Variants in APTX observed in about 807,000 individuals in gnomAD.
APTX encodes aprataxin, also known as forkhead-associated domain histidine triad-like protein.
APTX carries 33 observed loss-of-function variants against 42.3 expected under a neutral mutation model. The observed-to-expected ratio is 0.78, with a 90% CI of 0.59 to 1.04. The LOEUF (loss-of-function observed/expected upper bound fraction) is 1.04, where lower values mean the gene tolerates loss of function less well. Ranked by LOEUF, APTX falls within the 50% of genes least tolerant of loss-of-function variation. The pLI is 0.00. For synonymous variants in APTX, 130 were observed against 146.7 expected, an observed-to-expected ratio of 0.89 and a Z score of 0.82; for missense variants, 421 against 415.1, an observed-to-expected ratio of 1.01 and a Z score of -0.12.
chr9:32,988,180 C>T, intron 2 of APTX, 51 bp from the exon 3 acceptor site: 1 of 1,547,338 alleles, frequency 6.5e-7, no homozygotes, highest in Non-Finnish European at 8.9e-7. Context: ...GAACCAGGCA[C>T]TTGCTCCTAT....
upstream of APTX, among the ~76,000 whole-genome samples, chr9:33,005,934 A>C (rs932319059): frequency 3.3e-5 from 5 of 152,062 alleles, 1 homozygote; most frequent in South Asian, 1.0e-3. Context: ...ATCAGTCTGT[A>C]TGTCTGTCTT....
intron 1 of APTX, among the ~76,000 whole-genome samples, chr9:33,008,840 C>T (rs1394154486): frequency 6.6e-6 from 1 of 151,982 alleles, no homozygotes; most frequent in Non-Finnish European, 1.5e-5. Context: ...ACGTGCGCCA[C>T]CGCGTTGGCC....
intron 1 of APTX, among the ~76,000 whole-genome samples, chr9:32,998,010 C>T (rs913084639): frequency 2.0e-5 from 3 of 152,182 alleles, no homozygotes; most frequent in African/African-American, 7.2e-5. Context: ...GGTAAAAGGA[C>T]AACAGTAGAG....
At chr9:33,012,820 G>A (rs1489250734) in intron 1 of APTX, among the ~76,000 whole-genome samples, 4 of 152,164 alleles carry the variant, frequency 2.6e-5, no homozygotes, top group African/African-American at 9.7e-5. Flanking sequence ...TAGATAACCA[G>A]AACACTCCCT....
chr9:32,983,317 AC>A (rs1831141763), intron 6 of APTX, among the ~76,000 whole-genome samples: 1 of 152,238 alleles, frequency 6.6e-6, no homozygotes, highest in Admixed American at 6.5e-5. Flanking sequence ...TCTAGAAGAG[AC>A]AAAAACTATC....
chr9:32,974,631 G>GTA (rs1828905171), intron 6 of APTX, 70 bp from the exon 7 acceptor site: 2 of 849,186 alleles, frequency 2.4e-6, no homozygotes, highest in East Asian at 2.4e-5. Flanking sequence ...ATGACAAAGA[G>GTA]TATGAGTACA....
chr9:32,979,193 C>T (rs972584703), intron 6 of APTX, among the ~76,000 whole-genome samples: 1 of 152,136 alleles, frequency 6.6e-6, no homozygotes, highest in Admixed American at 6.6e-5. Flanking sequence ...CCACCTCCCT[C>T]CCGCCACTGT....
intron 6 of APTX, chr9:32,980,093 AGC>A (rs1830354883): frequency 6.6e-6 from 1 of 152,618 alleles, no homozygotes; most frequent in African/African-American, 2.4e-5. Context: ...CTGCCACCGG[AGC>A]TACTTTCTTC....
chr9:32,987,107 C>T (rs1832373799), intron 4 of APTX, among the ~76,000 whole-genome samples: 1 of 152,230 alleles, frequency 6.6e-6, no homozygotes, highest in Non-Finnish European at 1.5e-5. Context: ...AACCACTGCA[C>T]CCAGCCAGCC....
chr9:33,008,679 G>A (rs1837330009), intron 1 of APTX, among the ~76,000 whole-genome samples: 1 of 151,752 alleles, frequency 6.6e-6, no homozygotes, highest in Non-Finnish European at 1.5e-5. Flanking sequence ...AGCCTCCCCA[G>A]TAGCTGGGAT....
intron 7 of APTX, 126 bp from the exon 8 acceptor site, chr9:32,973,778 C>T (rs755296627): frequency 7.7e-7 from 1 of 1,305,758 alleles, no homozygotes; most frequent in African/African-American, 1.5e-5. Flanking sequence ...TTCTACAGCT[C>T]CGTAAGCTTA....
intron 1 of APTX, among the ~76,000 whole-genome samples, chr9:33,023,255 G>A (rs1482613616): frequency 6.6e-6 from 1 of 150,948 alleles, no homozygotes. Flanking sequence ...ACAGAGTCTT[G>A]CTCTGTCAAC....
intron 1 of APTX, among the ~76,000 whole-genome samples, chr9:33,007,066 T>G (rs1837212245): frequency 6.9e-6 from 1 of 144,366 alleles, no homozygotes; most frequent in Non-Finnish European, 1.5e-5. Flanking sequence ...GAAAGGACAA[T>G]TAGACTGAGT....
At position 32,974,497 on chromosome 9, in the gene APTX, A is replaced by T; in HGVS notation, c.835T>A (p.Trp279Arg). 6.2e-7 allele frequency: 1 copy of T among 1,611,650 alleles called. No individual in the cohort carries two copies. Among genetic ancestry groups the T allele is most frequent in the Non-Finnish European group, 8.5e-7 (1 of 1,178,214 alleles). Residue 279 changes from tryptophan to arginine, a missense_variant, in exon 7 of 8, where the codon TGG becomes AGG. Physicochemically the swap from Trp to Arg is moderately radical, Grantham distance 101. Coordinates refer to ENST00000379817, the MANE Select transcript of APTX (RefSeq NM_001195248.2). ...DSPCLKNKKH[W>R]NSFNTEYFLE... The stretch of plus-strand genomic sequence containing the variant: ...AAGTATTCTGTATTGAAAGAATTCC[A>T]ATGTTTTTTGTTTTTAAGGCAAGGA...
chr9:33,020,336 C>T (rs1305967696), intron 1 of APTX, among the ~76,000 whole-genome samples: 1 of 152,322 alleles, frequency 6.6e-6, no homozygotes, highest in African/African-American at 2.4e-5. Flanking sequence ...AGTCATTCCT[C>T]CTCCCTACCT....
rs76344404 is a variant in APTX at position 32,983,586 on chromosome 9, G to C, written c.770+1045C>G. On this transcript the variant is annotated intron_variant, in intron 6 of 7. Coordinates refer to ENST00000379817, the MANE Select transcript of APTX (RefSeq NM_001195248.2). Reference sequence around the variant, plus strand: ...ACAAAGATTTCATTTGGTTCAAGTGGCCAGTAACCTAAGTCATAATTATTC... The same window carrying C: ...ACAAAGATTTCATTTGGTTCAAGTGCCCAGTAACCTAAGTCATAATTATTC... Among the ~76,000 whole-genome samples the C allele has an allele frequency of 8.3e-4, 127 of 152,214 alleles. 3 individuals carry two copies. The East Asian group carries it at 0.024, about 28-fold the overall frequency.
chr9:32,992,181 T>G (rs1833806225), intron 1 of APTX, among the ~76,000 whole-genome samples: 1 of 152,150 alleles, frequency 6.6e-6, no homozygotes, highest in African/African-American at 2.4e-5. Flanking sequence ...AACCTGCCTA[T>G]AGTCAAGGCA....
intron 1 of APTX, among the ~76,000 whole-genome samples, chr9:32,991,877 T>C (rs1198281854): frequency 6.6e-6 from 1 of 151,676 alleles, no homozygotes; most frequent in Non-Finnish European, 1.5e-5. Context: ...AATTTGGGGA[T>C]AAAAAGGAAA....
chr9:32,991,215 C>T (rs1363893779), intron 1 of APTX, among the ~76,000 whole-genome samples: 9 of 152,086 alleles, frequency 5.9e-5, no homozygotes, highest in South Asian at 2.1e-4. Context: ...CATGAGCCAC[C>T]GTGCCCGGCC....
Sources: allele counts gnomAD v4.1 joint callset (sites outside exome capture counted in the v4.1 genomes callset), GRCh38; gene constraint gnomAD v4.1.1; transcripts MANE v1.5; gene names NCBI Gene and HGNC (gene_info 2026-07-23, HGNC 2026-07-21).